PATL2: variants seen among roughly 807,000 people sequenced by gnomAD.
PATL2 encodes protein PAT1 homolog 2.
PATL2 carries 73 observed loss-of-function variants against 77.0 expected under a neutral mutation model. That is an observed-to-expected ratio of 0.95 (90% CI 0.78 to 1.15). PATL2 has a LOEUF of 1.15. PATL2 is among the 50% of genes most tolerant of loss of function. The pLI is 0.00. For missense variants in PATL2, 618 were observed against 655.4 expected (o/e 0.94, Z 0.62); for synonymous variants, 265 against 257.1 (o/e 1.03, Z -0.29).
At chr15:44,686,532 A>T (rs1442516746) in intron 3 of PATL2, among the ~76,000 whole-genome samples, 3 of 152,242 alleles carry the variant, frequency 2.0e-5, no homozygotes, top group Non-Finnish European at 2.9e-5. Flanking sequence ...TTCAAAAGCT[A>T]GCAGAAGACA....
intron 2 of PATL2, among the ~76,000 whole-genome samples, 152 bp from the exon 3 acceptor site, chr15:44,710,366 A>G (rs1000606334): frequency 2.0e-5 from 3 of 152,178 alleles, no homozygotes; most frequent in Non-Finnish European, 4.4e-5. Flanking sequence ...TTCCTCTTAG[A>G]AAAGATCTGT....
At chr15:44,683,942 C>A (rs2086193024) in intron 3 of PATL2, among the ~76,000 whole-genome samples, 1 of 152,024 alleles carries the variant, frequency 6.6e-6, no homozygotes, top group African/African-American at 2.4e-5. Context: ...GCTGGTGATA[C>A]CCAGGAAAAC....
intron 3 of PATL2, among the ~76,000 whole-genome samples, chr15:44,683,376 C>T (rs2141230854): frequency 6.6e-6 from 1 of 152,278 alleles, no homozygotes; most frequent in African/African-American, 2.4e-5. Flanking sequence ...AGTCTGAAGT[C>T]AAGCTGGGAC....
At chr15:44,669,180 G>A (rs1199118340) in intron 13 of PATL2, 41 bp from the exon 14 acceptor site, 12 of 1,522,532 alleles carry the variant, frequency 7.9e-6, no homozygotes, top group Non-Finnish European at 9.8e-6. Context: ...GCTCTGCATA[G>A]AGGAGAGGGC....
chr15:44,705,910 C>G (rs987820093), intron 3 of PATL2, among the ~76,000 whole-genome samples: 4 of 149,240 alleles, frequency 2.7e-5, no homozygotes, highest in African/African-American at 1.0e-4. Context: ...AAGCAATTCT[C>G]CTGCCTCAGC....
intron 3 of PATL2, among the ~76,000 whole-genome samples, chr15:44,680,605 C>A (rs1255867998): frequency 6.6e-6 from 1 of 152,274 alleles, no homozygotes; most frequent in South Asian, 2.1e-4. Context: ...TTTCCCCTTT[C>A]TTTTTCTTAG....
At chr15:44,680,520 C>G (rs898108221) in intron 3 of PATL2, among the ~76,000 whole-genome samples, 3 of 152,162 alleles carry the variant, frequency 2.0e-5, no homozygotes, top group African/African-American at 7.2e-5. Context: ...GGGCTCTCCT[C>G]CTCTTCAAGT....
intron 16 of PATL2, 38 bp downstream of exon 16, chr15:44,667,068 G>A (rs1006475424): frequency 6.9e-7 from 1 of 1,447,142 alleles, no homozygotes. Context: ...ACATCCCGAG[G>A]GTACTAGATA....
At chr15:44,674,583 T>TTAG (rs1368361239) in intron 5 of PATL2, among the ~76,000 whole-genome samples, 12 of 152,232 alleles carry the variant, frequency 7.9e-5, no homozygotes, top group Non-Finnish European at 1.2e-4. Context: ...AAAATTTTTT[T>TTAG]TAGAGTCAGG....
intron 3 of PATL2, among the ~76,000 whole-genome samples, chr15:44,688,852 T>C (rs930446335): frequency 1.3e-5 from 2 of 152,138 alleles, no homozygotes; most frequent in African/African-American, 2.4e-5. Flanking sequence ...AAAGCCAAAA[T>C]TGACAAGTGG....
At chr15:44,677,369 C>G (rs1405512501) in intron 3 of PATL2, among the ~76,000 whole-genome samples, 3 of 152,156 alleles carry the variant, frequency 2.0e-5, no homozygotes, top group Non-Finnish European at 2.9e-5. Context: ...GTCAGCTACT[C>G]AGCTCTGACT....
chr15:44,691,236 T>C (rs1282753373), intron 3 of PATL2, among the ~76,000 whole-genome samples: 2 of 152,202 alleles, frequency 1.3e-5, no homozygotes, highest in Non-Finnish European at 2.9e-5. Context: ...AGATTTTGTC[T>C]ACCAAACCTA....
intron 4 of PATL2, 141 bp downstream of exon 4, chr15:44,676,334 C>A (rs2085952734): frequency 1.3e-6 from 1 of 788,594 alleles, no homozygotes; most frequent in Non-Finnish European, 2.2e-6. Context: ...CTTTCAGTCA[C>A]CCATTATGAT....
intron 3 of PATL2, among the ~76,000 whole-genome samples, chr15:44,680,661 A>G (rs2141226002): frequency 6.6e-6 from 1 of 152,136 alleles, no homozygotes; most frequent in East Asian, 1.9e-4. Context: ...TTGGAGACAA[A>G]TCCCTGTCTT....
intron 3 of PATL2, among the ~76,000 whole-genome samples, chr15:44,682,687 G>T (rs560812030): frequency 6.6e-6 from 1 of 152,190 alleles, no homozygotes; most frequent in South Asian, 2.1e-4. Context: ...GAAAAGATAC[G>T]TAGATTTCAC....
At chr15:44,676,385 C>T (rs372012407) in intron 4 of PATL2, 90 bp downstream of exon 4, 1 of 1,164,442 alleles carries the variant, frequency 8.6e-7, no homozygotes, top group African/African-American at 1.5e-5. Context: ...CTTCCAGTGA[C>T]TCTGGACATC....
At chr15:44,693,694 T>G (rs2086443698) in intron 3 of PATL2, among the ~76,000 whole-genome samples, 1 of 151,488 alleles carries the variant, frequency 6.6e-6, no homozygotes, top group African/African-American at 2.4e-5. Context: ...GTTTTCTTTT[T>G]CTGTTTTTTT....
intron 3 of PATL2, among the ~76,000 whole-genome samples, chr15:44,700,476 A>G (rs2086604964): frequency 6.6e-6 from 1 of 151,684 alleles, no homozygotes; most frequent in African/African-American, 2.4e-5. Flanking sequence ...TAATTTTTGT[A>G]TTTTTAGCAG....
intron 15 of PATL2, among the ~76,000 whole-genome samples, chr15:44,667,650 A>G (rs576298231): frequency 3.3e-5 from 5 of 152,316 alleles, no homozygotes; most frequent in East Asian, 1.9e-4. Flanking sequence ...GTCTTTTATT[A>G]TATACCTATT....
Sources: gnomAD v4.1 joint callset for allele counts (sites outside exome capture counted in the v4.1 genomes callset) on GRCh38, gnomAD v4.1.1 for gene constraint, MANE v1.5 for transcripts, NCBI Gene and HGNC (gene_info 2026-07-23, HGNC 2026-07-21) for gene names.